PDE4D: variants seen among roughly 807,000 people sequenced by gnomAD.
The protein encoded by PDE4D is phosphodiesterase 4D.
A neutral mutation model predicts 87.4 loss-of-function variants in PDE4D; 24 were observed. The ratio of observed to expected loss-of-function variants is 0.27; its 90% CI spans 0.20 to 0.39. The LOEUF (loss-of-function observed/expected upper bound fraction) is 0.39. PDE4D is among the 10% of genes least tolerant of loss of function. The probability of loss-of-function intolerance (pLI) is 1.00; values close to 1 mark genes in which losing one functional copy is unlikely to be tolerated. For synonymous variants in PDE4D, 384 were observed against 383.2 expected, an observed-to-expected ratio of 1.00 and a Z score of -0.02; for missense variants, 714 against 1,041.0, an observed-to-expected ratio of 0.69 and a Z score of 4.32.
intron 1 of PDE4D, among the ~76,000 whole-genome samples, chr5:59,445,924 T>C (rs188106873): frequency 6.6e-6 from 1 of 152,322 alleles, no homozygotes; most frequent in Admixed American, 6.5e-5. Flanking sequence ...GTCTGCCCCA[T>C]GGTCATACAT....
intron 1 of PDE4D, among the ~76,000 whole-genome samples, chr5:59,441,093 G>C (rs908715917): frequency 3.3e-5 from 5 of 152,130 alleles, no homozygotes; most frequent in African/African-American, 1.2e-4. Flanking sequence ...AAACAAGCCT[G>C]AGTCTTATTT....
At position 59,048,122 on chromosome 5, in the gene PDE4D, CAT is replaced by C. The variant is rs1760998313; in HGVS notation, c.809-9153_809-9152del. Among the ~76,000 whole-genome samples the C allele has an allele frequency of 7.9e-5, 12 of 152,300 alleles. 1 individual carries two copies. Among genetic ancestry groups the C allele is most frequent in the Admixed American group, 7.2e-4 (11 of 15,304 alleles). On this transcript the variant is annotated intron_variant, in intron 5 of 14. Coordinates refer to ENST00000340635, the MANE Select transcript of PDE4D (RefSeq NM_001104631.2). The stretch of plus-strand genomic sequence containing the variant: ...GCTAAGATAATTTTCATTCCAAACA[CAT>C]ATTTCAGCAACACAAGACTAAAGAG...
chr5:59,660,604 T>C lies in PDE4D; in HGVS notation c.455+232564A>G, dbSNP rs182506481. 5.3e-5 allele frequency among the ~76,000 whole-genome samples: 8 copies of C among 152,318 alleles called. No homozygotes were observed. The East Asian group carries it at 1.5e-3, about 29-fold the overall frequency. On this transcript the variant is annotated intron_variant, in intron 1 of 14. Coordinates refer to ENST00000340635, the MANE Select transcript of PDE4D (RefSeq NM_001104631.2). ...AGAGTTAGTTCTGACTACATTCATA[T>C]AAGGCTTTGTTTTCAAGGATGTCTG...
chr5:59,762,371 CATGTGT>C lies in PDE4D; in HGVS notation c.455+130791_455+130796del, dbSNP rs1164930272. Among the ~76,000 whole-genome samples, 29 of 74,204 alleles carry C rather than the reference CATGTGT, an allele frequency of 3.9e-4. 2 individuals carry two copies. The highest frequency in any genetic ancestry group is 1.5e-3 in the African/African-American group (24 of 16,018). 48.7% of individuals were successfully genotyped at this position (74,204 alleles called of 152,430 possible). On this transcript the variant is annotated intron_variant, in intron 1 of 14. Transcript: ENST00000340635. The stretch of plus-strand genomic sequence containing the variant: ...ATGCATATATGTGTATATGGGTACA[CATGTGT>C]ATATGTGTATATGGGTACACATGTG...
intron 1 of PDE4D, among the ~76,000 whole-genome samples, chr5:60,474,849 T>C (rs1432798334): frequency 2.0e-5 from 3 of 152,174 alleles, no homozygotes; most frequent in South Asian, 2.1e-4. Context: ...GGTCAGTTTG[T>C]CACACCCTGC....
chr5:60,335,668 G>A (rs997404412), intron 1 of PDE4D, among the ~76,000 whole-genome samples: 1 of 152,148 alleles, frequency 6.6e-6, no homozygotes, highest in African/African-American at 2.4e-5. Context: ...CCTAAGTGGG[G>A]TAGGGTAGTC....
chr5:59,860,351 C>T (rs972307390), intron 1 of PDE4D, among the ~76,000 whole-genome samples: 11 of 152,278 alleles, frequency 7.2e-5, no homozygotes, highest in African/African-American at 2.2e-4. Flanking sequence ...ATTAAGAGCA[C>T]TTTCTTCTTA....
intron 1 of PDE4D, among the ~76,000 whole-genome samples, chr5:59,641,974 A>G (rs1244477299): frequency 2.6e-5 from 4 of 152,200 alleles, no homozygotes; most frequent in Non-Finnish European, 5.9e-5. Flanking sequence ...GGAGCAATAT[A>G]AATGTCTGTC....
intron 1 of PDE4D, among the ~76,000 whole-genome samples, chr5:59,431,070 T>C (rs1796036981): frequency 6.6e-6 from 1 of 152,246 alleles, no homozygotes; most frequent in African/African-American, 2.4e-5. Context: ...AGCAATGTCT[T>C]TATTCACTAA....
At chr5:60,105,064 G>A (rs1341042985) in intron 2 of PDE4D, among the ~76,000 whole-genome samples, 5 of 152,172 alleles carry the variant, frequency 3.3e-5, no homozygotes, top group Admixed American at 6.5e-5. Flanking sequence ...AAACTACTCC[G>A]AGCTTCAGGA....
At chr5:60,054,493 G>C (rs896472802) in intron 2 of PDE4D, among the ~76,000 whole-genome samples, 5 of 152,038 alleles carry the variant, frequency 3.3e-5, no homozygotes, top group Non-Finnish European at 5.9e-5. Context: ...AGAACACATG[G>C]ACACAGGGAG....
chr5:60,297,118 C>T (rs4409049), intron 1 of PDE4D, among the ~76,000 whole-genome samples: 105,324 of 152,130 alleles, frequency 0.69, 37,676 homozygotes, highest in African/African-American at 0.89. Context: ...AGTATTTATA[C>T]ATTGAATGAA....
intron 2 of PDE4D, among the ~76,000 whole-genome samples, chr5:60,087,465 TAAAG>T (rs1372269520): frequency 1.3e-5 from 2 of 152,156 alleles, no homozygotes; most frequent in African/African-American, 4.8e-5. Flanking sequence ...ATAATTCTCT[TAAAG>T]AAGTTGAAAG....
intron 1 of PDE4D, among the ~76,000 whole-genome samples, chr5:60,278,298 T>C (rs922201948): frequency 6.6e-6 from 1 of 152,212 alleles, no homozygotes; most frequent in African/African-American, 2.4e-5. Context: ...GATTTTCTTA[T>C]ATAAGTAAGG....
At position 59,549,383 on chromosome 5, in the gene PDE4D, G is replaced by A. The variant is rs181381023; in HGVS notation, c.456-333415C>T. Among the ~76,000 whole-genome samples, 15 of 152,264 alleles carry A rather than the reference G, an allele frequency of 9.9e-5. No individual in the cohort carries two copies. In the East Asian group the frequency reaches 2.7e-3, roughly 27 times the overall value. On this transcript the variant is annotated intron_variant, in intron 1 of 14. Transcript: ENST00000340635. ...TTATCATTTTCCAGGCAGTTTTACT[G>A]TTAGCTAGAAATAAGAGTAGAGTGA...
intron 5 of PDE4D, among the ~76,000 whole-genome samples, chr5:59,061,657 C>T (rs1274702289): frequency 6.6e-6 from 1 of 152,044 alleles, no homozygotes; most frequent in Middle Eastern, 3.2e-3. Context: ...CATTCTAATC[C>T]CTGACACGTT....
At chr5:59,407,753 T>C (rs1791952829) in intron 1 of PDE4D, among the ~76,000 whole-genome samples, 1 of 152,234 alleles carries the variant, frequency 6.6e-6, no homozygotes, top group African/African-American at 2.4e-5. Context: ...CTACATTATA[T>C]TCATGCCCAG....
chr5:59,504,947 CGTGT>C (rs1312899972), intron 1 of PDE4D, among the ~76,000 whole-genome samples: 4 of 144,292 alleles, frequency 2.8e-5, no homozygotes, highest in Non-Finnish European at 6.1e-5. Context: ...TGTGCGTGCG[CGTGT>C]GTTTGTGTAT....
intron 5 of PDE4D, among the ~76,000 whole-genome samples, chr5:59,150,988 T>C (rs1779393837): frequency 6.6e-6 from 1 of 151,772 alleles, no homozygotes; most frequent in South Asian, 2.1e-4. Context: ...AAGGGCAGAG[T>C]CCTGAGAAAG....
Sources: allele counts gnomAD v4.1 joint callset (sites outside exome capture counted in the v4.1 genomes callset), GRCh38; gene constraint gnomAD v4.1.1; transcripts MANE v1.5; gene names NCBI Gene and HGNC (gene_info 2026-07-23, HGNC 2026-07-21).